GPHN: variants seen among roughly 807,000 people sequenced by gnomAD.
GPHN encodes gephyrin.
GPHN carries 17 observed loss-of-function variants against 95.5 expected under a neutral mutation model. The ratio of observed to expected loss-of-function variants is 0.18; its 90% CI spans 0.12 to 0.27. The LOEUF (loss-of-function observed/expected upper bound fraction) is 0.27. Ranked by LOEUF, GPHN falls within the 10% of genes least tolerant of loss-of-function variation. The probability of loss-of-function intolerance (pLI) is 1.00; values close to 1 mark genes in which losing one functional copy is unlikely to be tolerated. For missense variants in GPHN, 660 were observed against 978.1 expected (o/e 0.67, Z 4.34); for synonymous variants, 320 against 322.5 (o/e 0.99, Z 0.08).
At chr14:67,225,928 T>TGA in the GPHN span, among the ~76,000 whole-genome samples, 1 of 104,548 alleles carries the variant, frequency 9.6e-6, no homozygotes, top group Non-Finnish European at 1.7e-5. Flanking sequence ...ATGCTGTGAG[T>TGA]GTGTGTGTGT....
intron 2 of GPHN, among the ~76,000 whole-genome samples, chr14:66,756,417 G>A (rs574665556): frequency 7.2e-5 from 11 of 151,952 alleles, no homozygotes; most frequent in African/African-American, 2.7e-4. Flanking sequence ...TGTAGGCAGG[G>A]GCACAACTGT....
intron 18 of GPHN, among the ~76,000 whole-genome samples, chr14:67,147,229 A>G (rs1408051130): frequency 6.6e-6 from 1 of 152,220 alleles, no homozygotes; most frequent in African/African-American, 2.4e-5. Flanking sequence ...GCCTGTACTC[A>G]AGAGGTTATT....
At chr14:66,591,060 T>C (rs1266640145) in intron 1 of GPHN, among the ~76,000 whole-genome samples, 8 of 152,306 alleles carry the variant, frequency 5.3e-5, no homozygotes, top group Non-Finnish European at 1.0e-4. Context: ...GAAAACCACA[T>C]GATTATCTCA....
At chr14:66,804,624 C>T (rs2060477032) in intron 3 of GPHN, among the ~76,000 whole-genome samples, 1 of 152,172 alleles carries the variant, frequency 6.6e-6, no homozygotes, top group African/African-American at 2.4e-5. Flanking sequence ...AATTAACAGT[C>T]AGCCTATGTC....
chr14:67,692,433 C>CT, the GPHN span: 1 of 1,614,126 alleles, frequency 6.2e-7, no homozygotes. Context: ...TAGTTCTACA[C>CT]TTACCAGCTA....
chr14:67,277,470 A>C, the GPHN span, among the ~76,000 whole-genome samples: 1 of 152,174 alleles, frequency 6.6e-6, no homozygotes, highest in Non-Finnish European at 1.5e-5. Flanking sequence ...ATTGGCTGGT[A>C]TTAGGAATAT....
chr14:67,013,502 G>A (rs1301289526), intron 9 of GPHN, among the ~76,000 whole-genome samples: 2 of 151,944 alleles, frequency 1.3e-5, no homozygotes, highest in Admixed American at 6.5e-5. Flanking sequence ...ATCATGAGAG[G>A]CTTGATTAAC....
chr14:67,610,056 T>C, the GPHN span, among the ~76,000 whole-genome samples: 6 of 152,156 alleles, frequency 3.9e-5, no homozygotes, highest in East Asian at 5.8e-4. Context: ...GTTTGTGTCC[T>C]GCTTCTCCCC....
the GPHN span, among the ~76,000 whole-genome samples, chr14:67,622,713 G>A: frequency 0.43 from 65,671 of 152,172 alleles, 18,318 homozygotes; most frequent in African/African-American, 0.8. Flanking sequence ...GGTTATCACT[G>A]TTTTTAAATC....
At chr14:67,561,026 C>T in the GPHN span, among the ~76,000 whole-genome samples, 243 of 152,282 alleles carry the variant, frequency 1.6e-3, 1 homozygote, top group African/African-American at 5.3e-3. Context: ...CCACCACACC[C>T]GGCTGACAAA....
In GPHN at chr14:67,150,458, A is replaced by C. The variant is rs867126441; in HGVS notation, c.1836+7009A>C. ...TCCGTCTCAAAAAAAAAAAACAAAA[A>C]AAAAAAAAAAAAAAACATTGTAAGG... is the stretch of plus-strand genomic sequence containing the variant. On this transcript the variant is annotated intron_variant, in intron 18 of 22. Transcript: ENST00000478722. Among the ~76,000 whole-genome samples the C allele has an allele frequency of 1.2e-3, 176 of 148,262 alleles. 1 individual carries two copies. Among genetic ancestry groups the C allele is most frequent in the South Asian group, 2.5e-3 (12 of 4,752 alleles).
chr14:67,102,116 C>G (rs953335565), intron 13 of GPHN, among the ~76,000 whole-genome samples: 2 of 151,826 alleles, frequency 1.3e-5, no homozygotes, highest in Non-Finnish European at 1.5e-5. Context: ...TCGTGATCCG[C>G]CCGCCTCGGC....
chr14:67,517,819 G>T, the GPHN span, among the ~76,000 whole-genome samples: 2 of 152,182 alleles, frequency 1.3e-5, no homozygotes, highest in African/African-American at 4.8e-5. Context: ...GTATGGTTTG[G>T]TCAGGGTTAG....
At chr14:66,561,835 C>G (rs2060262472) in intron 1 of GPHN, among the ~76,000 whole-genome samples, 1 of 152,078 alleles carries the variant, frequency 6.6e-6, no homozygotes, top group South Asian at 2.1e-4. Flanking sequence ...GGGCTAAAAT[C>G]AAGGTGTCAA....
chr14:67,092,791 A>AAGT (rs1362170024), intron 12 of GPHN, among the ~76,000 whole-genome samples: 3 of 152,138 alleles, frequency 2.0e-5, no homozygotes, highest in African/African-American at 7.2e-5. Context: ...TGAAAGATAA[A>AAGT]AGTAGATAAA....
intron 1 of GPHN, among the ~76,000 whole-genome samples, chr14:66,529,868 T>A (rs894375270): frequency 2.6e-5 from 4 of 152,196 alleles, no homozygotes; most frequent in Admixed American, 2.0e-4. Context: ...ACCTGCCAGA[T>A]GCCAGCCAGA....
chr14:66,777,309 G>T (rs560183383), intron 3 of GPHN, among the ~76,000 whole-genome samples: 59 of 152,242 alleles, frequency 3.9e-4, no homozygotes, highest in South Asian at 1.7e-3. Flanking sequence ...AATAACAGGA[G>T]CTGAAATTCT....
chr14:67,378,732 CTT>C, the GPHN span, among the ~76,000 whole-genome samples: 1 of 152,196 alleles, frequency 6.6e-6, no homozygotes, highest in Non-Finnish European at 1.5e-5. Context: ...CCTTAGCACT[CTT>C]TTCTTGCTTC....
the GPHN span, among the ~76,000 whole-genome samples, chr14:67,666,070 C>T: frequency 6.6e-6 from 1 of 152,184 alleles, no homozygotes; most frequent in Admixed American, 6.5e-5. Flanking sequence ...AAGTGCTGAG[C>T]ATCATCACTG....
Sources: allele counts gnomAD v4.1 joint callset (sites outside exome capture counted in the v4.1 genomes callset), GRCh38; gene constraint gnomAD v4.1.1; transcripts MANE v1.5; gene names NCBI Gene and HGNC (gene_info 2026-07-23, HGNC 2026-07-21).